Variants in TRMT11 observed in about 807,000 individuals in gnomAD.
TRMT11 encodes the protein tRNA methyltransferase 11.
Under a neutral mutation model 62.8 loss-of-function variants are expected in TRMT11, and 53 were observed. That is an observed-to-expected ratio of 0.84 (90% confidence interval 0.68 to 1.06). TRMT11 has a LOEUF of 1.06. TRMT11 is among the 50% of genes least tolerant of loss of function. The probability of loss-of-function intolerance (pLI) is 0.00; values close to 1 mark genes in which losing one functional copy is unlikely to be tolerated. For missense variants in TRMT11, 556 were observed against 553.4 expected, an observed-to-expected ratio of 1.00 and a Z score of -0.05; for synonymous variants, 188 against 190.3, an observed-to-expected ratio of 0.99 and a Z score of 0.10.
intron 17 of TRMT11, among the ~76,000 whole-genome samples, chr6:126,108,684 A>C (rs891221520): frequency 6.6e-6 from 1 of 152,216 alleles, no homozygotes; most frequent in African/African-American, 2.4e-5. Context: ...TCTAGAAAAC[A>C]TGAGCATAAC....
intron 17 of TRMT11, among the ~76,000 whole-genome samples, chr6:126,096,624 A>T (rs1777344320): frequency 6.6e-6 from 1 of 151,574 alleles, no homozygotes; most frequent in Admixed American, 6.6e-5. Context: ...ACTGGTACTG[A>T]TTGCAGTCTT....
chr6:126,080,476 G>A (rs1394490385), intron 17 of TRMT11, among the ~76,000 whole-genome samples: 1 of 152,070 alleles, frequency 6.6e-6, no homozygotes, highest in Non-Finnish European at 1.5e-5. Flanking sequence ...ACTGACCTAA[G>A]CTAATTCACA....
upstream of TRMT11, among the ~76,000 whole-genome samples, chr6:126,174,562 CA>C (rs1778364149): frequency 6.6e-6 from 1 of 152,148 alleles, no homozygotes; most frequent in Admixed American, 6.5e-5. Flanking sequence ...GCACTTTACA[CA>C]AAAAACAAAC....
chr6:126,111,738 C>A (rs777238461), intron 17 of TRMT11, among the ~76,000 whole-genome samples: 77 of 152,210 alleles, frequency 5.1e-4, no homozygotes, highest in Non-Finnish European at 7.9e-4. Context: ...GAGCCACTGA[C>A]TCTATGGGGA....
chr6:126,188,481 CAA>C (rs1220288080), intron 1 of TRMT11, among the ~76,000 whole-genome samples: 1 of 152,016 alleles, frequency 6.6e-6, no homozygotes, highest in East Asian at 1.9e-4. Flanking sequence ...TGGCAATTTT[CAA>C]AGTTAGTAAG....
chr6:126,080,805 C>T (rs1777144975), intron 17 of TRMT11, among the ~76,000 whole-genome samples: 1 of 152,144 alleles, frequency 6.6e-6, no homozygotes, highest in Admixed American at 6.5e-5. Flanking sequence ...CCCAGTTGGT[C>T]AGTTGACCCC....
At chr6:126,135,320 C>A (rs1777838074) in intron 21 of TRMT11, among the ~76,000 whole-genome samples, 1 of 151,426 alleles carries the variant, frequency 6.6e-6, no homozygotes, top group African/African-American at 2.4e-5. Flanking sequence ...TGATGGTTAG[C>A]ACAGAAATAC....
chr6:126,196,978 A>C (rs1778674254), intron 1 of TRMT11, among the ~76,000 whole-genome samples: 6 of 152,246 alleles, frequency 3.9e-5, no homozygotes. Flanking sequence ...TTTCTCAAAA[A>C]AAATGAGAAG....
chr6:126,187,081 A>G (rs1244705144), intron 1 of TRMT11, among the ~76,000 whole-genome samples: 1 of 152,056 alleles, frequency 6.6e-6, no homozygotes, highest in Non-Finnish European at 1.5e-5. Flanking sequence ...GCCCATTGTC[A>G]TCACTTCTCT....
the TRMT11 span, among the ~76,000 whole-genome samples, chr6:126,265,657 A>G: frequency 6.6e-6 from 1 of 152,026 alleles, no homozygotes; most frequent in Non-Finnish European, 1.5e-5. Context: ...TTAATCTTCT[A>G]TTTCTTTCTA....
Position 126,133,129 on chromosome 6 carries a change from C to T in TRMT11, c.*1823+17274C>T, listed in dbSNP as rs773910178. On this transcript the variant is annotated intron_variant and NMD_transcript_variant, in intron 21 of 22. Coordinates refer to the TRMT11 transcript ENST00000648977. Reference sequence around the variant, plus strand: ...ATGGAACCCACAAAATAATTAAGTTCGGATGAAAATTGAGAATGTACAAGG... The same window carrying T: ...ATGGAACCCACAAAATAATTAAGTTTGGATGAAAATTGAGAATGTACAAGG... Among the ~76,000 whole-genome samples, 64 of 151,994 alleles carry T rather than the reference C, an allele frequency of 4.2e-4. 1 individual carries two copies. Among genetic ancestry groups the T allele is most frequent in the African/African-American group, 1.2e-3 (51 of 41,506 alleles).
intron 1 of TRMT11, among the ~76,000 whole-genome samples, chr6:125,991,209 G>A (rs1387533066): frequency 1.3e-5 from 2 of 149,804 alleles, no homozygotes; most frequent in Non-Finnish European, 3.0e-5. Context: ...TCACACCATC[G>A]CACTCCAGCC....
At chr6:126,034,477 A>G (rs1367714020) in intron 12 of TRMT11, among the ~76,000 whole-genome samples, 1 of 152,132 alleles carries the variant, frequency 6.6e-6, no homozygotes, top group Admixed American at 6.5e-5. Flanking sequence ...GGCTAGCACA[A>G]ATTTACCTAC....
chr6:126,239,016 G>A, the TRMT11 span, among the ~76,000 whole-genome samples: 8 of 152,050 alleles, frequency 5.3e-5, no homozygotes, highest in Non-Finnish European at 1.2e-4. Flanking sequence ...TGTTTTATTA[G>A]AGACTAGGAT....
At chr6:126,241,160 G>A in the TRMT11 span, among the ~76,000 whole-genome samples, 1 of 152,188 alleles carries the variant, frequency 6.6e-6, no homozygotes, top group African/African-American at 2.4e-5. Flanking sequence ...CCCTTCCTGG[G>A]TGAGGTGATG....
At chr6:126,237,680 CATAA>C in the TRMT11 span, among the ~76,000 whole-genome samples, 3 of 151,818 alleles carry the variant, frequency 2.0e-5, no homozygotes, top group African/African-American at 4.8e-5. Context: ...GACCGGGTCT[CATAA>C]ATAAATAAAT....
At chr6:126,211,131 T>C in the TRMT11 span, among the ~76,000 whole-genome samples, 1 of 152,130 alleles carries the variant, frequency 6.6e-6, no homozygotes, top group Non-Finnish European at 1.5e-5. Context: ...AACACTATTG[T>C]GGAGATGATG....
downstream of TRMT11, among the ~76,000 whole-genome samples, chr6:126,043,360 A>G (rs1221475780): frequency 7.9e-5 from 12 of 151,652 alleles, no homozygotes; most frequent in East Asian, 2.3e-3. Context: ...AATTTCATCC[A>G]TGTCCCTACA....
chr6:126,061,662 C>G (rs185262076), intron 17 of TRMT11, among the ~76,000 whole-genome samples: 462 of 151,818 alleles, frequency 3.0e-3, no homozygotes, highest in Non-Finnish European at 5.3e-3. Flanking sequence ...GTAATGGCAC[C>G]TTCCTCGTCA....
Sources: allele counts gnomAD v4.1 joint callset (sites outside exome capture counted in the v4.1 genomes callset), GRCh38; gene constraint gnomAD v4.1.1; transcripts MANE v1.5; gene names NCBI Gene and HGNC (gene_info 2026-07-23, HGNC 2026-07-21).